Variants in TNIK observed in about 807,000 individuals in gnomAD.
TNIK encodes the protein TRAF2 and NCK-interacting protein kinase.
Under a neutral mutation model 191.3 loss-of-function variants are expected in TNIK, and 49 were observed. The ratio of observed to expected loss-of-function variants is 0.26; its 90% CI spans 0.20 to 0.32. The LOEUF is 0.32. Ranked by LOEUF, TNIK falls within the 10% of genes least tolerant of loss-of-function variation. The probability of loss-of-function intolerance (pLI) is 1.00; values close to 1 mark genes in which losing one functional copy is unlikely to be tolerated. For synonymous variants in TNIK, 594 were observed against 600.9 expected (o/e 0.99, Z 0.17); for missense variants, 1,155 against 1,702.3 (o/e 0.68, Z 5.66).
At chr3:171,232,849 G>A (rs563077362) in intron 2 of TNIK, among the ~76,000 whole-genome samples, 103 of 152,254 alleles carry the variant, frequency 6.8e-4, no homozygotes, top group African/African-American at 2.3e-3. Context: ...ACTCAAGTAC[G>A]ATTAATACAA....
At chr3:171,088,210 C>A in intron 23 of TNIK, among the ~76,000 whole-genome samples, 1 of 152,052 alleles carries the variant, frequency 6.6e-6, no homozygotes, top group African/African-American at 2.4e-5. Context: ...CTCTAATATC[C>A]CTTTTTAATG....
intron 1 of TNIK, among the ~76,000 whole-genome samples, chr3:171,447,072 T>C (rs1400771240): frequency 1.3e-5 from 2 of 152,136 alleles, no homozygotes; most frequent in Non-Finnish European, 2.9e-5. Context: ...GCGCCTGTAA[T>C]CCCAGCTACT....
intron 2 of TNIK, among the ~76,000 whole-genome samples, chr3:171,300,089 A>G (rs553342064): frequency 6.6e-6 from 1 of 152,360 alleles, no homozygotes; most frequent in Non-Finnish European, 1.5e-5. Flanking sequence ...ACAAAGATAA[A>G]TGGAGTTCCA....
chr3:171,460,076 G>T lies in TNIK; in HGVS notation c.-13C>A. 6.2e-7 allele frequency: 1 copy of T among 1,601,836 alleles called. No homozygotes were observed. The highest frequency in any genetic ancestry group is 2.2e-5 in the East Asian group (1 of 44,468). ...AGTCGCTCGCCATGTCTACTTCTTC[G>T]CTGGAGAAATGGACCAAAACCACCC... On this transcript the variant is annotated 5_prime_UTR_variant, in exon 1 of 33. Transcript: ENST00000436636. The surrounding 1 kb of genome is among the most constrained non-coding windows in gnomAD (Gnocchi z 6.8).
intron 1 of TNIK, among the ~76,000 whole-genome samples, chr3:171,411,916 G>A (rs1039188939): frequency 1.3e-5 from 2 of 152,076 alleles, no homozygotes; most frequent in African/African-American, 2.4e-5. Flanking sequence ...CATTTTAGAC[G>A]GTGACCAAGC....
chr3:171,296,121 T>G (rs1261876936), intron 2 of TNIK, among the ~76,000 whole-genome samples: 2 of 152,224 alleles, frequency 1.3e-5, no homozygotes, highest in African/African-American at 2.4e-5. Context: ...AGTCAACTCC[T>G]CATATTTTGT....
intron 1 of TNIK, among the ~76,000 whole-genome samples, chr3:171,429,980 G>A (rs868507256): frequency 6.6e-6 from 1 of 152,110 alleles, no homozygotes; most frequent in Non-Finnish European, 1.5e-5. Flanking sequence ...TTGTTAAAAT[G>A]CAAATTTTGG....
intron 1 of TNIK, among the ~76,000 whole-genome samples, chr3:171,444,640 A>G (rs1727256286): frequency 6.6e-6 from 1 of 152,100 alleles, no homozygotes; most frequent in Admixed American, 6.6e-5. Flanking sequence ...AGAATTATCA[A>G]TTGAAAGTTG....
intron 2 of TNIK, among the ~76,000 whole-genome samples, chr3:171,230,888 A>G (rs1194283090): frequency 1.3e-5 from 2 of 151,928 alleles, no homozygotes; most frequent in Non-Finnish European, 2.9e-5. Context: ...CTTTTCCCCA[A>G]ATAAAACCTT....
intron 22 of TNIK, 83 bp downstream of exon 22, chr3:171,101,366 T>C: frequency 6.8e-7 from 1 of 1,460,618 alleles, no homozygotes; most frequent in Non-Finnish European, 9.2e-7. Context: ...TATACAATCT[T>C]ACATTTAACT....
At chr3:171,207,579 G>A (rs1393165937) in intron 4 of TNIK, among the ~76,000 whole-genome samples, 1 of 152,096 alleles carries the variant, frequency 6.6e-6, no homozygotes, top group Non-Finnish European at 1.5e-5. Flanking sequence ...TCCTTGAGGT[G>A]GCAGTGATTG....
intron 2 of TNIK, among the ~76,000 whole-genome samples, chr3:171,309,964 C>A (rs1437062385): frequency 1.3e-5 from 2 of 152,094 alleles, no homozygotes; most frequent in African/African-American, 4.8e-5. Flanking sequence ...TCTGCTTTTG[C>A]AAAGAAATCC....
At chr3:171,274,571 T>C (rs1424053099) in intron 2 of TNIK, among the ~76,000 whole-genome samples, 2 of 152,244 alleles carry the variant, frequency 1.3e-5, no homozygotes, top group Non-Finnish European at 2.9e-5. Context: ...CCTAGCAGCC[T>C]GAGTTTCAAG....
intron 7 of TNIK, among the ~76,000 whole-genome samples, chr3:171,187,795 G>C (rs1166251937): frequency 6.6e-6 from 1 of 152,132 alleles, no homozygotes; most frequent in Admixed American, 6.6e-5. Context: ...GATCATTAAA[G>C]TGTTTTGGTG....
chr3:171,279,555 G>A (rs1277472960), intron 2 of TNIK, among the ~76,000 whole-genome samples: 1 of 152,100 alleles, frequency 6.6e-6, no homozygotes, highest in Non-Finnish European at 1.5e-5. Flanking sequence ...GCCAACTCTG[G>A]CTATTGGCAT....
chr3:171,128,887 C>CACAAAAAA lies in TNIK; in HGVS notation c.1609-10_1609-9insTTTTTTGT. ...CTTGACCGTTCTTCTACCTACAACC[C>CACAAAAAA]AAAAAAAAAAAAAAAAAAAAGACAG... On this transcript the variant is annotated splice_polypyrimidine_tract_variant and intron_variant, in intron 15 of 32. Coordinates refer to ENST00000436636, the MANE Select transcript of TNIK (RefSeq NM_015028.4). 1 of 1,242,452 alleles carries CACAAAAAA rather than the reference C, an allele frequency of 8.0e-7. No homozygotes were observed. The highest frequency in any genetic ancestry group is 1.0e-6 in the Non-Finnish European group (1 of 992,800). 77.0% of individuals were successfully genotyped at this position (1,242,452 alleles called of 1,614,324 possible).
chr3:171,169,811 A>T (rs1172133166), intron 9 of TNIK, among the ~76,000 whole-genome samples: 1 of 152,214 alleles, frequency 6.6e-6, no homozygotes, highest in Non-Finnish European at 1.5e-5. Flanking sequence ...CTGGGAGAAA[A>T]AACTCAGAGA....
intron 24 of TNIK, among the ~76,000 whole-genome samples, chr3:171,085,822 G>T (rs1040518953): frequency 6.6e-6 from 1 of 152,132 alleles, no homozygotes; most frequent in Non-Finnish European, 1.5e-5. Flanking sequence ...TTCCTTAAAA[G>T]AATAATTACA....
intron 3 of TNIK, among the ~76,000 whole-genome samples, chr3:171,218,638 C>T (rs1210360066): frequency 1.3e-5 from 2 of 148,722 alleles, no homozygotes; most frequent in African/African-American, 4.9e-5. Flanking sequence ...CCTGTAATTT[C>T]AATTTGCTTT....
Sources: allele counts gnomAD v4.1 joint callset (sites outside exome capture counted in the v4.1 genomes callset), GRCh38; gene constraint gnomAD v4.1.1; non-coding constraint Gnocchi (gnomAD v3.1); transcripts MANE v1.5; gene names NCBI Gene and HGNC (gene_info 2026-07-23, HGNC 2026-07-21).